Variants in HKDC1 observed in about 807,000 individuals in gnomAD.
HKDC1 encodes hexokinase HKDC1.
HKDC1 carries 66 observed loss-of-function variants against 96.6 expected under a neutral mutation model. The ratio of observed to expected loss-of-function variants is 0.68; its 90% CI spans 0.56 to 0.84. The LOEUF is 0.84. HKDC1 is among the 40% of genes least tolerant of loss of function. The pLI is 0.00. For missense variants in HKDC1, 1,211 were observed against 1,208.1 expected (o/e 1.00, Z -0.04); for synonymous variants, 466 against 473.1 (o/e 0.98, Z 0.20).
chr10:69,248,383 C>A (rs769531894), intron 9 of HKDC1, 41 bp from the exon 10 acceptor site: 10 of 1,527,158 alleles, frequency 6.5e-6, no homozygotes, highest in Non-Finnish European at 8.8e-6. Flanking sequence ...TGAGCCTGGC[C>A]TTTATGATTG....
chr10:69,224,020 A>G (rs921587009), intron 1 of HKDC1, among the ~76,000 whole-genome samples: 151 of 151,000 alleles, frequency 1.0e-3, no homozygotes, highest in African/African-American at 3.6e-3. Flanking sequence ...ACCAGCCTGG[A>G]TAACATAGAG....
intron 14 of HKDC1, among the ~76,000 whole-genome samples, chr10:69,257,879 G>A (rs1373982562): frequency 2.0e-5 from 3 of 152,172 alleles, no homozygotes; most frequent in African/African-American, 4.8e-5. Flanking sequence ...AGGCATTTTA[G>A]GGGTCTTTGG....
At chr10:69,259,044 C>T (rs1345568030) in intron 15 of HKDC1, 85 bp downstream of exon 15, 4 of 1,051,554 alleles carry the variant, frequency 3.8e-6, no homozygotes, top group Non-Finnish European at 5.2e-6. Flanking sequence ...GACAGCATAG[C>T]TTTGTGTGCT....
intron 1 of HKDC1, among the ~76,000 whole-genome samples, chr10:69,224,181 C>A (rs1843113033): frequency 6.6e-6 from 1 of 151,576 alleles, no homozygotes. Context: ...GCACTCCAGG[C>A]TGGGCAACAG....
chr10:69,236,478 C>T (rs1178822018), intron 4 of HKDC1, among the ~76,000 whole-genome samples: 1 of 150,706 alleles, frequency 6.6e-6, no homozygotes, highest in East Asian at 2.0e-4. Context: ...TAAGGAAGGG[C>T]ATTTAATTAT....
intron 9 of HKDC1, 36 bp downstream of exon 9, chr10:69,247,629 A>C: frequency 6.4e-7 from 1 of 1,552,678 alleles, no homozygotes; most frequent in Non-Finnish European, 8.8e-7. Context: ...CCCACAAATG[A>C]GTCTCCCTGG....
chr10:69,249,635 A>G (rs1245321647), intron 10 of HKDC1, among the ~76,000 whole-genome samples: 2 of 152,196 alleles, frequency 1.3e-5, no homozygotes, highest in Admixed American at 1.3e-4. Flanking sequence ...AGCTGGGACT[A>G]CAGGCGCCCA....
chr10:69,251,270 A>G (rs1297186209), intron 12 of HKDC1, among the ~76,000 whole-genome samples: 4 of 151,216 alleles, frequency 2.6e-5, no homozygotes, highest in Non-Finnish European at 5.9e-5. Flanking sequence ...AATTTTTTGT[A>G]TTTTTAGTAG....
chr10:69,262,458 G>A (rs1843824759), intron 16 of HKDC1, among the ~76,000 whole-genome samples: 1 of 151,548 alleles, frequency 6.6e-6, no homozygotes, highest in Non-Finnish European at 1.5e-5. Flanking sequence ...CATCAGTTAT[G>A]TACAAATGTG....
intron 8 of HKDC1, among the ~76,000 whole-genome samples, chr10:69,246,584 C>T (rs1843544790): frequency 6.6e-6 from 1 of 152,228 alleles, no homozygotes; most frequent in Non-Finnish European, 1.5e-5. Context: ...CATTCACACA[C>T]AAGTTTGCTT....
intron 16 of HKDC1, among the ~76,000 whole-genome samples, chr10:69,263,451 A>G (rs4746831): frequency 0.33 from 50,455 of 152,024 alleles, 8,460 homozygotes; most frequent in Middle Eastern, 0.38. Flanking sequence ...ATATCCACCT[A>G]GTGCCAGTGG....
chr10:69,239,164 G>A (rs1481435249), intron 5 of HKDC1, 27 bp downstream of exon 5: 5 of 1,555,624 alleles, frequency 3.2e-6, no homozygotes, highest in African/African-American at 1.4e-5. Flanking sequence ...GGTGTGGGAG[G>A]CTCTCCCAGC....
intron 7 of HKDC1, among the ~76,000 whole-genome samples, chr10:69,244,228 C>G (rs1451303238): frequency 6.6e-6 from 1 of 152,204 alleles, no homozygotes; most frequent in Non-Finnish European, 1.5e-5. Flanking sequence ...TTCCATCACT[C>G]TTTAAGTACT....
rs1466001380 is a variant in HKDC1, at chr10:69,220,396, G to T, written c.-40G>T. 1 of 1,528,932 alleles carries T rather than the reference G, an allele frequency of 6.5e-7. No homozygotes were observed. The highest frequency in any genetic ancestry group is 8.9e-7 in the Non-Finnish European group (1 of 1,122,742). The allele number at this position is 1,528,932 out of a possible 1,614,324, so 94.7% of individuals were successfully genotyped here. A position where few individuals can be genotyped will look rare whatever the true frequency, so the allele number is the denominator to read the frequency against. On this transcript the variant is annotated 5_prime_UTR_variant, in exon 1 of 18. Coordinates refer to ENST00000354624, the MANE Select transcript of HKDC1 (RefSeq NM_025130.4). ...AGTCGTAGGAGTGAACACTGCACAG[G>T]AATCTCTGCCCATCTCAGGAGAAAC...
intron 2 of HKDC1, among the ~76,000 whole-genome samples, chr10:69,229,981 G>A (rs930297273): frequency 6.6e-6 from 1 of 152,048 alleles, no homozygotes; most frequent in Non-Finnish European, 1.5e-5. Flanking sequence ...CATGATTACC[G>A]ACAAAAAACA....
intron 1 of HKDC1, chr10:69,223,307 A>G (rs753274609): frequency 1.3e-5 from 2 of 151,972 alleles, no homozygotes; most frequent in Non-Finnish European, 2.9e-5. Context: ...ACACTTTCAT[A>G]TTTGCTGGGT....
chr10:69,224,327 A>G (rs925783094), intron 1 of HKDC1, among the ~76,000 whole-genome samples: 12 of 152,168 alleles, frequency 7.9e-5, no homozygotes, highest in Non-Finnish European at 1.8e-4. Context: ...TCTGTCACCC[A>G]GGCTGGAGTG....
intron 2 of HKDC1, 89 bp downstream of exon 2, chr10:69,227,458 TTCTCTCTCTAGCCC>T (rs1328328866): frequency 1.4e-6 from 2 of 1,426,704 alleles, no homozygotes; most frequent in African/African-American, 2.8e-5. Flanking sequence ...GTACCTTGGC[TTCTCTCTCTAGCCC>T]TCTCTCTGCT....
intron 1 of HKDC1, among the ~76,000 whole-genome samples, chr10:69,222,317 G>T (rs1271404967): frequency 6.6e-6 from 1 of 152,254 alleles, no homozygotes; most frequent in African/African-American, 2.4e-5. Flanking sequence ...TTCATTTAGA[G>T]AGTTGAGTTA....
Sources: gnomAD v4.1 joint callset for allele counts (sites outside exome capture counted in the v4.1 genomes callset) on GRCh38, gnomAD v4.1.1 for gene constraint, MANE v1.5 for transcripts, NCBI Gene and HGNC (gene_info 2026-07-23, HGNC 2026-07-21) for gene names.